The following ANKRD28 variants were observed in gnomAD, a reference collection of about 807,000 sequenced individuals.
The protein encoded by ANKRD28 is ankyrin repeat domain 28, also known as serine/threonine-protein phosphatase 6 regulatory ankyrin repeat subunit A.
A neutral mutation model predicts 126.5 loss-of-function variants in ANKRD28; 44 were observed. The observed-to-expected ratio is 0.35, with a 90% CI of 0.27 to 0.45. The LOEUF is 0.45. ANKRD28 is among the 20% of genes least tolerant of loss of function. The pLI, the probability that ANKRD28 is intolerant of heterozygous loss-of-function variation, is 1.00. For synonymous variants in ANKRD28, 442 were observed against 468.5 expected, an observed-to-expected ratio of 0.94 and a Z score of 0.73; for missense variants, 1,110 against 1,316.6, an observed-to-expected ratio of 0.84 and a Z score of 2.43.
rs780179892 is a variant in ANKRD28 at position 15,737,108 on chromosome 3, A to G, written c.477T>C (p.Leu159=). The part of the protein sequence containing the change: ...AVKCAEALVP[L]LSNVNVSDRA... ...GATCAGATACGTTTACATTACTCAG[A>G]AGAGGTACCAAAGCTTCAGCACACT... Residue 159 remains leucine, a synonymous_variant, in exon 5 of 28, where the codon CTT becomes CTC. Coordinates refer to ENST00000683139, the MANE Select transcript of ANKRD28 (RefSeq NM_001349278.2). 2.5e-6 allele frequency: 4 copies of G among 1,613,902 alleles called. No individual in the cohort carries two copies. The highest frequency in any genetic ancestry group is 3.4e-6 in the Non-Finnish European group (4 of 1,179,896).
intron 1 of ANKRD28, among the ~76,000 whole-genome samples, chr3:15,822,639 G>T (rs2060969598): frequency 6.6e-6 from 1 of 151,676 alleles, no homozygotes; most frequent in Admixed American, 6.6e-5. Flanking sequence ...GAATTTACTA[G>T]ACAAAGACTT....
At chr3:15,698,136 G>A (rs2069947097) in intron 14 of ANKRD28, among the ~76,000 whole-genome samples, 1 of 151,732 alleles carries the variant, frequency 6.6e-6, no homozygotes, top group Non-Finnish European at 1.5e-5. Flanking sequence ...CTTGCTAGCG[G>A]TCTGTCTGAT....
Position 15,694,759 on chromosome 3 carries a change from T to C in ANKRD28, c.1741A>G (p.Ile581Val), listed in dbSNP as rs2069292326. The change falls in exon 17 of 28, where the codon ATA (isoleucine) becomes GTA (valine). Residue 581 changes from isoleucine (I) to valine (V), a missense_variant. Coordinates refer to ENST00000683139, the MANE Select transcript of ANKRD28 (RefSeq NM_001349278.2). ...CTCACAGCCAAGTGTAAAGGGCTTA[T>C]TGTTGCTCTATTATCTGAATCACTC... The part of the protein sequence containing the change: ...MLSDSDNRAT[I>V]SPLHLAAYHG... The C allele has an allele frequency of 1.2e-6, 2 of 1,613,532 alleles. No individual in the cohort carries two copies. Among genetic ancestry groups the C allele is most frequent in the Non-Finnish European group, 1.7e-6 (2 of 1,179,518 alleles).
chr3:15,711,280 A>G lies in ANKRD28; in HGVS notation c.1274-6T>C. The G allele has an allele frequency of 1.9e-6, 3 of 1,603,956 alleles. No individual in the cohort carries two copies. The highest frequency in any genetic ancestry group is 2.6e-6 in the Non-Finnish European group (3 of 1,172,070). Reference sequence around the variant, plus strand: ...TGGGGTATCTATATCAAATCCTACAAGAATGAATACATCTTATTTATAACA... The same window carrying G: ...TGGGGTATCTATATCAAATCCTACAGGAATGAATACATCTTATTTATAACA... On this transcript the variant is annotated splice_region_variant and splice_polypyrimidine_tract_variant and intron_variant, in intron 11 of 27. Coordinates refer to ENST00000683139, the MANE Select transcript of ANKRD28 (RefSeq NM_001349278.2).
chr3:15,702,009 C>T (rs1427439448), intron 14 of ANKRD28, among the ~76,000 whole-genome samples: 2 of 152,174 alleles, frequency 1.3e-5, no homozygotes, highest in Non-Finnish European at 1.5e-5. Context: ...CTTACTGAGA[C>T]CTGAATACAA....
chr3:15,842,465 AG>A (rs2061443473), intron 1 of ANKRD28, among the ~76,000 whole-genome samples: 1 of 151,932 alleles, frequency 6.6e-6, no homozygotes, highest in Non-Finnish European at 1.5e-5. Flanking sequence ...AGGGGTGGGG[AG>A]GGTTAATGGG....
intron 4 of ANKRD28, among the ~76,000 whole-genome samples, chr3:15,743,623 T>C (rs2057278390): frequency 6.7e-6 from 1 of 149,522 alleles, no homozygotes; most frequent in Non-Finnish European, 1.5e-5. Flanking sequence ...CAACTCCTAA[T>C]ACTCGGATAT....
intron 1 of ANKRD28, among the ~76,000 whole-genome samples, chr3:15,844,074 T>C (rs1186252145): frequency 6.6e-6 from 1 of 152,156 alleles, no homozygotes; most frequent in Non-Finnish European, 1.5e-5. Flanking sequence ...TAATGGTTGA[T>C]ATGAAGTGAG....
At chr3:15,692,454 CA>C (rs1371527713) in intron 17 of ANKRD28, among the ~76,000 whole-genome samples, 8 of 152,048 alleles carry the variant, frequency 5.3e-5, no homozygotes, top group African/African-American at 1.9e-4. Context: ...TGAAAAACAA[CA>C]GCAAAAATAA....
chr3:15,747,009 T>A (rs2057520019), intron 4 of ANKRD28, among the ~76,000 whole-genome samples: 1 of 152,204 alleles, frequency 6.6e-6, no homozygotes, highest in Non-Finnish European at 1.5e-5. Context: ...TAGCCTTGGA[T>A]AATCTTTTGT....
chr3:15,859,345 G>T (rs916993197), intron 1 of ANKRD28: 2 of 1,522,420 alleles, frequency 1.3e-6, no homozygotes, highest in East Asian at 5.2e-5. Flanking sequence ...CTTCCCGGAC[G>T]GCGCGATCCC....
chr3:15,822,553 AT>A (rs1279915226), intron 1 of ANKRD28, among the ~76,000 whole-genome samples: 1 of 152,252 alleles, frequency 6.6e-6, no homozygotes, highest in Non-Finnish European at 1.5e-5. Context: ...AGGCATGCAA[AT>A]AAAGATCAAA....
At chr3:15,776,026 A>T (rs550742957) in intron 2 of ANKRD28, among the ~76,000 whole-genome samples, 4 of 152,288 alleles carry the variant, frequency 2.6e-5, no homozygotes, top group Non-Finnish European at 4.4e-5. Context: ...AATAGCTCAG[A>T]TAGCACCTCA....
intron 1 of ANKRD28, among the ~76,000 whole-genome samples, chr3:15,856,825 T>C (rs1348456124): frequency 6.6e-6 from 1 of 152,226 alleles, no homozygotes; most frequent in Non-Finnish European, 1.5e-5. Flanking sequence ...ATTTGTAGCT[T>C]ATATGTATTA....
At chr3:15,855,039 C>T (rs2061733934) in intron 1 of ANKRD28, among the ~76,000 whole-genome samples, 1 of 152,060 alleles carries the variant, frequency 6.6e-6, no homozygotes, top group Non-Finnish European at 1.5e-5. Flanking sequence ...CAGAGCAAGA[C>T]TCCGTCTCAA....
intron 15 of ANKRD28, among the ~76,000 whole-genome samples, chr3:15,695,857 G>GAAT (rs2069464854): frequency 6.6e-6 from 1 of 151,976 alleles, no homozygotes; most frequent in Non-Finnish European, 1.5e-5. Flanking sequence ...AACTTATGAG[G>GAAT]AATATTAATT....
chr3:15,739,688 T>C (rs1370964055), intron 4 of ANKRD28, among the ~76,000 whole-genome samples: 1 of 152,110 alleles, frequency 6.6e-6, no homozygotes, highest in Non-Finnish European at 1.5e-5. Context: ...GCTATAAATA[T>C]ACAGAGCATC....
At chr3:15,810,555 A>G (rs947440389) in intron 1 of ANKRD28, among the ~76,000 whole-genome samples, 8 of 151,708 alleles carry the variant, frequency 5.3e-5, no homozygotes, top group African/African-American at 1.9e-4. Context: ...GGGATATACT[A>G]AAAAATATTA....
At chr3:15,856,588 T>A (rs2061772225) in intron 1 of ANKRD28, among the ~76,000 whole-genome samples, 1 of 152,148 alleles carries the variant, frequency 6.6e-6, no homozygotes, top group African/African-American at 2.4e-5. Context: ...AGAAAAAAAA[T>A]TATTTTCAGT....
Sources: gnomAD v4.1 joint callset for allele counts (sites outside exome capture counted in the v4.1 genomes callset) on GRCh38, gnomAD v4.1.1 for gene constraint, MANE v1.5 for transcripts, NCBI Gene and HGNC (gene_info 2026-07-23, HGNC 2026-07-21) for gene names.